The following ZNF680 variants were observed in gnomAD, a reference collection of about 807,000 sequenced individuals.
The protein encoded by ZNF680 is hypothetical protein FLJ90430.
ZNF680 carries 6 observed loss-of-function variants against 12.1 expected under a neutral mutation model. The observed-to-expected ratio is 0.49, with a 90% CI of 0.27 to 0.98. ZNF680 has a LOEUF of 0.98. ZNF680 is among the 50% of genes least tolerant of loss of function. The probability of loss-of-function intolerance (pLI) is 0.12; values close to 1 mark genes in which losing one functional copy is unlikely to be tolerated. For missense variants in ZNF680, 561 were observed against 616.3 expected (o/e 0.91, Z 0.95); for synonymous variants, 170 against 199.3 (o/e 0.85, Z 1.24).
At chr7:64,502,262 C>T in the ZNF680 span, among the ~76,000 whole-genome samples, 3 of 152,102 alleles carry the variant, frequency 2.0e-5, no homozygotes, top group Non-Finnish European at 2.9e-5. Flanking sequence ...CCACCCGCCT[C>T]GGCCTCTCAA....
Position 64,529,534 on chromosome 7 carries a change from T to A in ZNF680, c.254-7034A>T, listed in dbSNP as rs148659488. Among the ~76,000 whole-genome samples the A allele has an allele frequency of 5.3e-3, 802 of 152,144 alleles. 5 individuals carry two copies. Among genetic ancestry groups the A allele is most frequent in the Non-Finnish European group, 7.1e-3 (485 of 67,990 alleles). On this transcript the variant is annotated intron_variant, in intron 3 of 3. Transcript: ENST00000309683. ...AGTCTCAGCAATAGAATTGAATGAA[T>A]AGAAGAAAGAAATTCAGAGCTCAAA...
At chr7:64,527,734 A>T (rs1019574497) in intron 3 of ZNF680, among the ~76,000 whole-genome samples, 2 of 152,100 alleles carry the variant, frequency 1.3e-5, no homozygotes, top group Non-Finnish European at 2.9e-5. Context: ...TTGAGAAGCC[A>T]AGGTGGGCTG....
intron 3 of ZNF680, among the ~76,000 whole-genome samples, chr7:64,541,811 T>C (rs1163375595): frequency 1.3e-5 from 2 of 152,216 alleles, no homozygotes; most frequent in Non-Finnish European, 2.9e-5. Flanking sequence ...GACAGCCATT[T>C]ATAGCCACGC....
the ZNF680 span, among the ~76,000 whole-genome samples, chr7:64,508,388 T>C: frequency 6.6e-6 from 1 of 152,108 alleles, no homozygotes; most frequent in East Asian, 1.9e-4. Context: ...TAACTACTAT[T>C]ATAGCCCCAG....
Position 64,521,178 on chromosome 7 carries a change from T to C in ZNF680, c.1576A>G (p.Asn526Asp). The C allele has an allele frequency of 6.2e-7, 1 of 1,607,762 alleles. No homozygotes were observed. Among genetic ancestry groups the C allele is most frequent in the Non-Finnish European group, 8.5e-7 (1 of 1,177,508 alleles). Residue 526 changes from asparagine to aspartate, a missense_variant, in exon 4 of 4, where the codon AAT (asparagine) becomes GAT (aspartate). Asn to Asp is a conservative substitution (Grantham distance 23). Transcript: ENST00000309683. Reference protein sequence around the residue: ...KLYKPEKCDNNFDNT With the variant: ...KLYKPEKCDNDFDNT ...GAAAAGTTTTAGGTGTTATCAAAAT[T>C]ATTGTCACATTTTTCAGGTTTGTAG... is the stretch of plus-strand genomic sequence containing the variant.
At chr7:64,526,188 A>G (rs1029246882) in intron 3 of ZNF680, 2 of 958,082 alleles carry the variant, frequency 2.1e-6, no homozygotes, top group African/African-American at 3.5e-5. Context: ...AACTCTTAGA[A>G]GAAGAATGTA....
intron 3 of ZNF680, among the ~76,000 whole-genome samples, chr7:64,528,501 G>C (rs1207929223): frequency 1.3e-5 from 2 of 152,190 alleles, no homozygotes; most frequent in African/African-American, 4.8e-5. Flanking sequence ...GTAGGAGTAA[G>C]ACCAGCCCTT....
chr7:64,535,771 C>G (rs1786133642), intron 3 of ZNF680, among the ~76,000 whole-genome samples: 1 of 151,870 alleles, frequency 6.6e-6, no homozygotes, highest in Non-Finnish European at 1.5e-5. Context: ...TGATGAAACC[C>G]CATCTCTACC....
chr7:64,562,845 C>T, intron 1 of ZNF680, 80 bp downstream of exon 1: 3 of 1,551,148 alleles, frequency 1.9e-6, no homozygotes, highest in Non-Finnish European at 2.7e-6. Flanking sequence ...TGCTTGGAGC[C>T]TGGAGTCCTG....
intron 3 of ZNF680, among the ~76,000 whole-genome samples, chr7:64,526,738 A>C (rs1791870271): frequency 6.6e-6 from 1 of 152,210 alleles, no homozygotes; most frequent in African/African-American, 2.4e-5. Flanking sequence ...GTCGATACCC[A>C]ATAAAAAATA....
At chr7:64,515,704 A>G (rs2116334475), downstream of ZNF680, among the ~76,000 whole-genome samples, 1 of 152,320 alleles carries the variant, frequency 6.6e-6, no homozygotes, top group Middle Eastern at 3.4e-3. Flanking sequence ...CCTCTAGCTC[A>G]CTCAAATAAA....
chr7:64,552,260 C>T (rs2116526931), intron 1 of ZNF680, among the ~76,000 whole-genome samples: 1 of 152,296 alleles, frequency 6.6e-6, no homozygotes, highest in Middle Eastern at 3.4e-3. Context: ...ACTGTGTTGG[C>T]CATTCTGGTC....
chr7:64,526,853 T>C (rs73130733), intron 3 of ZNF680, among the ~76,000 whole-genome samples: 34,358 of 152,248 alleles, frequency 0.23, 4,072 homozygotes, highest in South Asian at 0.28. Context: ...AGATGTTTTA[T>C]GTAATCTCCA....
chr7:64,524,240 C>T lies in ZNF680; in HGVS notation c.254-1740G>A, dbSNP rs185451957. Among the ~76,000 whole-genome samples the T allele has an allele frequency of 3.9e-3, 583 of 151,384 alleles. 6 individuals carry two copies. The highest frequency in any genetic ancestry group is 0.013 in the African/African-American group (541 of 41,196). ...TCAGCTCACTGCAACCTCTGCCTTC[C>T]GGGTTCAAGCGATTCTCCTGCCTCA... On this transcript the variant is annotated intron_variant, in intron 3 of 3. Coordinates refer to ENST00000309683, the MANE Select transcript of ZNF680 (RefSeq NM_178558.5).
Position 64,562,913 on chromosome 7 carries a change from C to T in ZNF680, c.30+12G>A. ...CCTCCCCCTCTCTCGGGGTGTCGGACCGCACTCTCACCATTTCTAGGCTTC... is the reference window on the plus strand; with the variant it reads ...CCTCCCCCTCTCTCGGGGTGTCGGATCGCACTCTCACCATTTCTAGGCTTC... On this transcript the variant is annotated intron_variant, in intron 1 of 3. Coordinates refer to ENST00000309683, the MANE Select transcript of ZNF680 (RefSeq NM_178558.5). 1 of 1,613,640 alleles carries T rather than the reference C, an allele frequency of 6.2e-7. No homozygotes were observed.
chr7:64,537,480 C>A (rs78481782), intron 3 of ZNF680, among the ~76,000 whole-genome samples: 2 of 151,634 alleles, frequency 1.3e-5, no homozygotes, highest in African/African-American at 2.4e-5. Context: ...GTTTTTTTTA[C>A]AGAAATGTTT....
rs199907099 is a variant in ZNF680 at position 64,521,180 on chromosome 7, T to C, written c.1574A>G (p.Asn525Ser). 4.4e-4 allele frequency: 713 copies of C among 1,608,198 alleles called. 1 individual carries two copies. In the South Asian group the frequency reaches 4.4e-3, roughly 10 times the overall value. Residue 525 changes from asparagine (N) to serine (S), a missense_variant, in exon 4 of 4, where the codon AAT becomes AGT. Transcript: ENST00000309683. ...EKLYKPEKCDNNFDNT is the reference protein window; with the variant it reads ...EKLYKPEKCDSNFDNT ...AAAGTTTTAGGTGTTATCAAAATTA[T>C]TGTCACATTTTTCAGGTTTGTAGAG... is the stretch of plus-strand genomic sequence containing the variant.
chr7:64,531,596 C>CAA (rs34791051), intron 3 of ZNF680, among the ~76,000 whole-genome samples: 17,336 of 95,010 alleles, frequency 0.18, 1,523 homozygotes, highest in South Asian at 0.26. Flanking sequence ...GACTCCGTCT[C>CAA]AAAAAAAAAA....
At chr7:64,540,591 C>T (rs556553936) in intron 3 of ZNF680, among the ~76,000 whole-genome samples, 110 of 152,284 alleles carry the variant, frequency 7.2e-4, no homozygotes, top group African/African-American at 2.4e-3. Flanking sequence ...GCATGAGCCA[C>T]TGAGCCCGGC....
Sources: gnomAD v4.1 joint callset for allele counts (sites outside exome capture counted in the v4.1 genomes callset) on GRCh38, gnomAD v4.1.1 for gene constraint, MANE v1.5 for transcripts, NCBI Gene and HGNC (gene_info 2026-07-23, HGNC 2026-07-21) for gene names.